ERBB4: variants seen among roughly 807,000 people sequenced by gnomAD.
ERBB4 encodes erb-b2 receptor tyrosine kinase 4.
ERBB4 carries 42 observed loss-of-function variants against 158.0 expected under a neutral mutation model. The ratio of observed to expected loss-of-function variants is 0.27; its 90% CI spans 0.21 to 0.34. The LOEUF (loss-of-function observed/expected upper bound fraction) is 0.34, where lower values mean the gene tolerates loss of function less well. ERBB4 is among the 10% of genes least tolerant of loss of function. The probability of loss-of-function intolerance (pLI) is 1.00; values close to 1 mark genes in which losing one functional copy is unlikely to be tolerated. For missense variants in ERBB4, 1,333 were observed against 1,624.1 expected (o/e 0.82, Z 3.08); for synonymous variants, 583 against 558.7 (o/e 1.04, Z -0.61).
At chr2:211,580,971 C>A (rs1430774971) in intron 19 of ERBB4, among the ~76,000 whole-genome samples, 1 of 145,786 alleles carries the variant, frequency 6.9e-6, no homozygotes, top group Non-Finnish European at 1.5e-5. Flanking sequence ...TTGCAGTGAC[C>A]TGGATGAGAT....
chr2:211,442,329 A>G (rs868463998), intron 20 of ERBB4, among the ~76,000 whole-genome samples: 6 of 152,120 alleles, frequency 3.9e-5, no homozygotes, highest in Non-Finnish European at 5.9e-5. Context: ...ACTCCTAAAT[A>G]GATTGGGTCA....
chr2:211,913,988 A>G (rs1018809141), intron 3 of ERBB4, among the ~76,000 whole-genome samples: 1 of 151,556 alleles, frequency 6.6e-6, no homozygotes, highest in African/African-American at 2.4e-5. Context: ...GAAAGTAGTA[A>G]AAAAGTCAAG....
chr2:211,789,995 AAAAAG>A (rs1380486680), intron 3 of ERBB4, among the ~76,000 whole-genome samples: 1 of 152,116 alleles, frequency 6.6e-6, no homozygotes, highest in African/African-American at 2.4e-5. Flanking sequence ...GTGAGGAAAA[AAAAAG>A]AAAAGAAATT....
At chr2:212,216,029 G>A (rs1384342185) in intron 1 of ERBB4, among the ~76,000 whole-genome samples, 1 of 151,260 alleles carries the variant, frequency 6.6e-6, no homozygotes, top group East Asian at 1.9e-4. Flanking sequence ...TAATTTTAAA[G>A]TTCAACTCAG....
chr2:211,589,467 G>GACTC (rs1414262011), intron 19 of ERBB4, among the ~76,000 whole-genome samples: 6 of 152,086 alleles, frequency 3.9e-5, no homozygotes, highest in African/African-American at 1.4e-4. Flanking sequence ...AAATCAACCA[G>GACTC]ACTCAGTTCA....
At chr2:212,287,241 C>T (rs1188170277) in intron 1 of ERBB4, among the ~76,000 whole-genome samples, 1 of 152,166 alleles carries the variant, frequency 6.6e-6, no homozygotes, top group African/African-American at 2.4e-5. Flanking sequence ...TTTTTCTCCC[C>T]CTACAACTGT....
intron 2 of ERBB4, among the ~76,000 whole-genome samples, chr2:212,085,560 G>C (rs2125478685): frequency 6.6e-6 from 1 of 151,900 alleles, no homozygotes; most frequent in East Asian, 1.9e-4. Flanking sequence ...TTTGGGCTTA[G>C]GTCATCTACT....
At chr2:211,519,463 G>A (rs2066131564) in intron 20 of ERBB4, among the ~76,000 whole-genome samples, 2 of 152,026 alleles carry the variant, frequency 1.3e-5, no homozygotes, top group Non-Finnish European at 2.9e-5. Context: ...CGAAGCAGAT[G>A]GCTACTGAAG....
intron 20 of ERBB4, among the ~76,000 whole-genome samples, chr2:211,457,342 C>T (rs201085686): frequency 6.6e-6 from 1 of 152,290 alleles, no homozygotes; most frequent in East Asian, 1.9e-4. Flanking sequence ...TATTTATGCT[C>T]TATAAACTAA....
chr2:211,626,224 C>T (rs1188134933), intron 17 of ERBB4, among the ~76,000 whole-genome samples: 1 of 152,140 alleles, frequency 6.6e-6, no homozygotes, highest in Non-Finnish European at 1.5e-5. Flanking sequence ...GGGATGAGAT[C>T]ATGTCTCATT....
chr2:211,822,075 A>T (rs2077008074), intron 3 of ERBB4, among the ~76,000 whole-genome samples: 1 of 151,934 alleles, frequency 6.6e-6, no homozygotes. Context: ...GCATGATCTC[A>T]CTAGTGGAAG....
chr2:212,323,155 C>A (rs903309688), intron 1 of ERBB4, among the ~76,000 whole-genome samples: 1 of 150,306 alleles, frequency 6.7e-6, no homozygotes, highest in Non-Finnish European at 1.5e-5. Flanking sequence ...TTGCTTAAAT[C>A]CTTTCGTCAG....
At chr2:212,337,881 GT>G (rs80113695) in intron 1 of ERBB4, among the ~76,000 whole-genome samples, 103,196 of 151,842 alleles carry the variant, frequency 0.68, 35,246 homozygotes, top group East Asian at 0.8. Context: ...AATCTGCCTG[GT>G]TTTTGCCATT....
chr2:211,949,961 CTTTGG>C (rs1481109619), intron 2 of ERBB4, among the ~76,000 whole-genome samples: 2 of 152,126 alleles, frequency 1.3e-5, no homozygotes, highest in African/African-American at 4.8e-5. Flanking sequence ...AGTTCAAGCA[CTTTGG>C]TTTGTTAACT....
At chr2:212,315,934 G>C (rs572101847) in intron 1 of ERBB4, among the ~76,000 whole-genome samples, 28 of 151,506 alleles carry the variant, frequency 1.8e-4, no homozygotes, top group African/African-American at 5.3e-4. Context: ...ACAGTCAGCT[G>C]CATTATTAAA....
chr2:212,066,786 A>G (rs1484622108), intron 2 of ERBB4, among the ~76,000 whole-genome samples: 2 of 151,914 alleles, frequency 1.3e-5, no homozygotes, highest in East Asian at 1.9e-4. Context: ...TTACAATCCT[A>G]AAGTATTATG....
chr2:211,506,910 C>A (rs753043918), intron 20 of ERBB4, among the ~76,000 whole-genome samples: 13 of 151,812 alleles, frequency 8.6e-5, no homozygotes, highest in Non-Finnish European at 1.6e-4. Flanking sequence ...AAAATCAATA[C>A]AAGGGATCCA....
intron 19 of ERBB4, among the ~76,000 whole-genome samples, chr2:211,572,102 G>A (rs1272077450): frequency 6.6e-6 from 1 of 151,908 alleles, no homozygotes; most frequent in Non-Finnish European, 1.5e-5. Context: ...ATCTTTCTGT[G>A]TCTTTTCATT....
intron 3 of ERBB4, among the ~76,000 whole-genome samples, chr2:211,893,498 G>A (rs1400665396): frequency 7.1e-6 from 1 of 140,916 alleles, no homozygotes; most frequent in African/African-American, 2.9e-5. Context: ...ACATAGGCAT[G>A]GGCAAGGACT....
Sources: allele counts gnomAD v4.1 joint callset (sites outside exome capture counted in the v4.1 genomes callset), GRCh38; gene constraint gnomAD v4.1.1; transcripts MANE v1.5; gene names NCBI Gene and HGNC (gene_info 2026-07-23, HGNC 2026-07-21).